Variants in CXXC4 observed in about 807,000 individuals in gnomAD.
CXXC4 encodes the protein CXXC finger protein 4.
A neutral mutation model predicts 20.5 loss-of-function variants in CXXC4; 5 were observed. The ratio of observed to expected loss-of-function variants is 0.24; its 90% CI spans 0.13 to 0.51. CXXC4 has a LOEUF of 0.51. CXXC4 is among the 20% of genes least tolerant of loss of function. CXXC4 has a pLI of 0.97. For missense variants in CXXC4, 419 were observed against 496.4 expected (o/e 0.84, Z 1.48); for synonymous variants, 250 against 216.4 (o/e 1.16, Z -1.36).
rs761918488 is a variant in CXXC4 at position 104,491,281 on chromosome 4, G to A, written c.522C>T (p.Asn174=). The stretch of plus-strand genomic sequence containing the variant: ...CAGCTTTCCCCAGCCTCTGGGAGTC[G>A]TTTCGGTGGTGCATGCTGGTCCTGC... ...GGSRTSMHHR[N]DSQRLGKAGC... is the part of the protein sequence containing the mutation. The change falls in exon 2 of 3, where the codon AAC becomes AAT. Residue 174 remains asparagine (N), a synonymous_variant. Transcript: ENST00000394767. 2 of 1,611,620 alleles carry A rather than the reference G, an allele frequency of 1.2e-6. No homozygotes were observed. The highest frequency in any genetic ancestry group is 1.7e-6 in the Non-Finnish European group (2 of 1,179,630).
intron 2 of CXXC4, among the ~76,000 whole-genome samples, chr4:104,481,429 A>AG (rs1302173715): frequency 6.6e-6 from 1 of 152,002 alleles, no homozygotes; most frequent in African/African-American, 2.4e-5. Context: ...GCTGCTTGGG[A>AG]GGCTGAGGGA....
At position 104,483,218 on chromosome 4, in the gene CXXC4, T is replaced by G. The variant is rs150142127; in HGVS notation, c.1059+7526A>C. 3.8e-3 allele frequency among the ~76,000 whole-genome samples: 577 copies of G among 152,100 alleles called. 4 individuals are homozygous for G. Among genetic ancestry groups the G allele is most frequent in the African/African-American group, 0.013 (546 of 41,538 alleles). Reference sequence around the variant, plus strand: ...CTCAAACCAAAAGTATTGAGTCTAGTCATTAAAAAAAAATTATCTTTCTTT... The same window carrying G: ...CTCAAACCAAAAGTATTGAGTCTAGGCATTAAAAAAAAATTATCTTTCTTT... On this transcript the variant is annotated intron_variant, in intron 2 of 2. Coordinates refer to ENST00000394767, the MANE Select transcript of CXXC4 (RefSeq NM_025212.4).
intron 2 of CXXC4, among the ~76,000 whole-genome samples, chr4:104,485,973 G>A (rs923904547): frequency 6.6e-6 from 1 of 151,914 alleles, no homozygotes; most frequent in Non-Finnish European, 1.5e-5. Context: ...TTCATCACTA[G>A]ATACACTTTT....
chr4:104,491,324 C>T lies in CXXC4; in HGVS notation c.479G>A (p.Gly160Asp). 6.4e-7 allele frequency: 1 copy of T among 1,553,164 alleles called. No individual in the cohort carries two copies. The highest frequency in any genetic ancestry group is 1.2e-5 in the South Asian group (1 of 84,558). The change falls in exon 2 of 3, where the codon GGC becomes GAC. Residue 160 changes from glycine (G) to aspartate (D), a missense_variant. Physicochemically the swap from Gly to Asp is moderately conservative, Grantham distance 94. Around this residue, in one of 3 missense-constraint regions of CXXC4, gnomAD observed 388 missense variants for 416.0 expected, o/e 0.93. Coordinates refer to ENST00000394767, the MANE Select transcript of CXXC4 (RefSeq NM_025212.4). Reference sequence around the variant, plus strand: ...GGTCCTGCTGCCGCCGCCGCCGCCGCCGCCGCCACCGCCGGCGGGGAGGAT... The same window carrying T: ...GGTCCTGCTGCCGCCGCCGCCGCCGTCGCCGCCACCGCCGGCGGGGAGGAT... ...SAILPAGGGGGGGGGGSRTSM... is the reference protein window; with the variant it reads ...SAILPAGGGGDGGGGGSRTSM...
At chr4:104,482,829 C>T (rs2110275063) in intron 2 of CXXC4, among the ~76,000 whole-genome samples, 1 of 152,140 alleles carries the variant, frequency 6.6e-6, no homozygotes. Flanking sequence ...TTTCTCTTTT[C>T]ATCCTACTTG....
chr4:104,490,900 G>C lies in CXXC4; in HGVS notation c.903C>G (p.Ala301=), dbSNP rs1205522970. ...SSGGAGGANP[A]KKKRKRCGVC... ...CCCCACACCTTTTCCTCTTCTTCTTGGCTGGGTTGGCTCCGCCAGCTCCCC... is the reference window on the plus strand; with the variant it reads ...CCCCACACCTTTTCCTCTTCTTCTTCGCTGGGTTGGCTCCGCCAGCTCCCC... The change falls in exon 2 of 3, where the codon GCC becomes GCG. Residue 301 remains alanine (A), a synonymous_variant. Transcript: ENST00000394767. 10 of 1,614,026 alleles carry C rather than the reference G, an allele frequency of 6.2e-6. No homozygotes were observed. The highest frequency in any genetic ancestry group is 5.1e-6 in the Non-Finnish European group (6 of 1,180,028).
Position 104,472,271 on chromosome 4 carries a change from T to G in CXXC4, c.*51A>C. 1 of 1,214,704 alleles carries G rather than the reference T, an allele frequency of 8.2e-7. No individual in the cohort carries two copies. The highest frequency in any genetic ancestry group is 1.2e-6 in the Non-Finnish European group (1 of 843,776). The allele number at this position is 1,214,704 out of a possible 1,614,324, so 75.2% of individuals were successfully genotyped here. A position where few individuals can be genotyped will look rare whatever the true frequency, so the allele number is the denominator to read the frequency against. ...CTAAGCAGTTTCTTAAAACAAGACA[T>G]TAGTTTGCCCTTCATTTCCAAATGC... On this transcript the variant is annotated 3_prime_UTR_variant, in exon 3 of 3. Transcript: ENST00000394767.
chr4:104,472,082 CAAAG>C lies in CXXC4; in HGVS notation c.*236_*239del, dbSNP rs771598998. 2.9e-6 allele frequency: 1 copy of C among 348,208 alleles called. No homozygotes were observed. The highest frequency in any genetic ancestry group is 5.2e-6 in the Non-Finnish European group (1 of 192,984). The allele number at this position is 348,208 out of a possible 1,614,324, so 21.6% of individuals were successfully genotyped here. On this transcript the variant is annotated 3_prime_UTR_variant, in exon 3 of 3. Coordinates refer to ENST00000394767, the MANE Select transcript of CXXC4 (RefSeq NM_025212.4). ...CTTCACTACTATAGCTAAATTACATCAAAGAAAGAATCAGCGTATTGAAAGTAAA... is the reference window on the plus strand; with the variant it reads ...CTTCACTACTATAGCTAAATTACATCAAAGAATCAGCGTATTGAAAGTAAA...
chr4:104,474,758 A>T (rs1560538514), intron 2 of CXXC4, among the ~76,000 whole-genome samples: 1 of 152,104 alleles, frequency 6.6e-6, no homozygotes, highest in Non-Finnish European at 1.5e-5. Flanking sequence ...ATAAATATAT[A>T]CTTATGTAAT....
chr4:104,479,008 T>C (rs1025895443), intron 2 of CXXC4, among the ~76,000 whole-genome samples: 2 of 152,218 alleles, frequency 1.3e-5, no homozygotes, highest in Admixed American at 6.5e-5. Context: ...TGAATATATA[T>C]GTGTGTATAA....
At chr4:104,481,808 A>T (rs935980001) in intron 2 of CXXC4, among the ~76,000 whole-genome samples, 21 of 152,152 alleles carry the variant, frequency 1.4e-4, no homozygotes, top group African/African-American at 5.1e-4. Context: ...ACTATGTGCT[A>T]ATTAATACCA....
intron 2 of CXXC4, among the ~76,000 whole-genome samples, chr4:104,488,002 T>C (rs1039541258): frequency 3.9e-5 from 6 of 152,304 alleles, no homozygotes; most frequent in African/African-American, 9.6e-5. Context: ...AATCTGACTA[T>C]GTCTCCAGTC....
chr4:104,472,177 T>TC lies in CXXC4; in HGVS notation c.*144_*145insG. Reference sequence around the variant, plus strand: ...TCTTTTTCTTTTCTTTTCCTCTTTTTTTTTTTTTTTGAAGAAAGCCCTATA... The same window carrying TC: ...TCTTTTTCTTTTCTTTTCCTCTTTTTCTTTTTTTTTTGAAGAAAGCCCTATA... On this transcript the variant is annotated 3_prime_UTR_variant, in exon 3 of 3. Coordinates refer to ENST00000394767, the MANE Select transcript of CXXC4 (RefSeq NM_025212.4). The TC allele has an allele frequency of 2.4e-6, 1 of 417,500 alleles. No homozygotes were observed. Among genetic ancestry groups the TC allele is most frequent in the East Asian group, 3.5e-5 (1 of 28,672 alleles). 25.9% of individuals were successfully genotyped at this position (417,500 alleles called of 1,614,324 possible).
At position 104,479,771 on chromosome 4, in the gene CXXC4, TTCCC is replaced by T. The variant is rs535320231; in HGVS notation, c.1060-7409_1060-7406del. ...TTTCCCCTCTCCCTCCCTTCCTTCC[TTCCC>T]TCCCTCCCTCCCTCTGTTCCTCCGT... On this transcript the variant is annotated intron_variant, in intron 2 of 2. Transcript: ENST00000394767. Among the ~76,000 whole-genome samples, 293 of 144,132 alleles carry T rather than the reference TTCCC, an allele frequency of 2.0e-3. 2 individuals are homozygous for T. The highest frequency in any genetic ancestry group is 6.2e-3 in the African/African-American group (242 of 39,318). 94.6% of individuals were successfully genotyped at this position (144,132 alleles called of 152,430 possible). A position where few individuals can be genotyped will look rare whatever the true frequency, so the allele number is the denominator to read the frequency against.
At position 104,472,172 on chromosome 4, in the gene CXXC4, C is replaced by CTTTTTTTTT; in HGVS notation, c.*141_*149dup. On this transcript the variant is annotated 3_prime_UTR_variant, in exon 3 of 3. Coordinates refer to ENST00000394767, the MANE Select transcript of CXXC4 (RefSeq NM_025212.4). ...TTATGTCTTTTTCTTTTCTTTTCCT[C>CTTTTTTTTT]TTTTTTTTTTTTTTTGAAGAAAGCC... 1 of 367,784 alleles carries CTTTTTTTTT rather than the reference C, an allele frequency of 2.7e-6. No individual in the cohort carries two copies. The highest frequency in any genetic ancestry group is 4.9e-6 in the Non-Finnish European group (1 of 202,250). The allele number at this position is 367,784 out of a possible 1,614,324, so 22.8% of individuals were successfully genotyped here. A position where few individuals can be genotyped will look rare whatever the true frequency, so the allele number is the denominator to read the frequency against.
intron 2 of CXXC4, among the ~76,000 whole-genome samples, chr4:104,477,540 C>A (rs1473531400): frequency 6.6e-6 from 1 of 151,812 alleles, no homozygotes; most frequent in Admixed American, 6.6e-5. Flanking sequence ...AAGTTTTTAG[C>A]AGAAAGATTT....
At chr4:104,485,105 A>C (rs972924740) in intron 2 of CXXC4, among the ~76,000 whole-genome samples, 2 of 152,140 alleles carry the variant, frequency 1.3e-5, no homozygotes, top group African/African-American at 4.8e-5. Flanking sequence ...TTTCTTGAAA[A>C]GAAGTTTTTA....
chr4:104,476,537 T>G (rs1041267735), intron 2 of CXXC4, among the ~76,000 whole-genome samples: 3 of 152,182 alleles, frequency 2.0e-5, no homozygotes, highest in Non-Finnish European at 4.4e-5. Flanking sequence ...CTTAAAACTT[T>G]TAATAATATT....
intron 1 of CXXC4, among the ~76,000 whole-genome samples, chr4:104,492,509 G>A (rs1394398479): frequency 6.6e-6 from 1 of 152,068 alleles, no homozygotes; most frequent in Non-Finnish European, 1.5e-5. Flanking sequence ...AAACAGCAAT[G>A]GCCCTATGAG....
Sources: allele counts gnomAD v4.1 joint callset (sites outside exome capture counted in the v4.1 genomes callset), GRCh38; gene constraint gnomAD v4.1.1; regional missense constraint gnomAD v4.1.1; transcripts MANE v1.5; gene names NCBI Gene and HGNC (gene_info 2026-07-23, HGNC 2026-07-21).